Variants in ARHGAP39 observed in about 807,000 individuals in gnomAD.
ARHGAP39 encodes rho GTPase-activating protein 39.
ARHGAP39 carries 44 observed loss-of-function variants against 106.9 expected under a neutral mutation model. That is an observed-to-expected ratio of 0.41 (90% confidence interval 0.32 to 0.53). ARHGAP39 has a LOEUF of 0.53. Ranked by LOEUF, ARHGAP39 falls within the 20% of genes least tolerant of loss-of-function variation. The pLI is 0.21. For synonymous variants in ARHGAP39, 768 were observed against 693.2 expected (o/e 1.11, Z -1.69); for missense variants, 1,496 against 1,577.3 (o/e 0.95, Z 0.87).
At chr8:144,531,251 G>A (rs201008632) in intron 10 of ARHGAP39, among the ~76,000 whole-genome samples, 11 of 78,116 alleles carry the variant, frequency 1.4e-4, no homozygotes, top group African/African-American at 2.0e-4. Flanking sequence ...ACAGGGCAGC[G>A]AGCAGCAGGT....
intron 3 of ARHGAP39, among the ~76,000 whole-genome samples, chr8:144,570,767 C>G (rs1405671293): frequency 1.3e-5 from 2 of 152,060 alleles, no homozygotes; most frequent in African/African-American, 4.8e-5. Context: ...AGAGAATAAT[C>G]AAATATACGC....
intron 2 of ARHGAP39, among the ~76,000 whole-genome samples, chr8:144,598,914 A>T (rs1263246313): frequency 6.6e-6 from 1 of 152,240 alleles, no homozygotes; most frequent in Non-Finnish European, 1.5e-5. Context: ...TGAGCATGAA[A>T]AGATAAAAAA....
At chr8:144,665,607 A>G (rs1821943834) in intron 1 of ARHGAP39, among the ~76,000 whole-genome samples, 1 of 152,236 alleles carries the variant, frequency 6.6e-6, no homozygotes, top group South Asian at 2.1e-4. Context: ...CGTGGCTGAA[A>G]GAGACCAACA....
intron 1 of ARHGAP39, among the ~76,000 whole-genome samples, chr8:144,656,849 A>G (rs1428464777): frequency 7.4e-5 from 11 of 149,582 alleles, no homozygotes; most frequent in African/African-American, 2.2e-4. Flanking sequence ...CTAAGCGTAT[A>G]TAAGACTGGA....
chr8:144,639,483 C>T (rs1173953398), intron 1 of ARHGAP39, among the ~76,000 whole-genome samples: 1 of 152,008 alleles, frequency 6.6e-6, no homozygotes, highest in Non-Finnish European at 1.5e-5. Flanking sequence ...AGGCACACCG[C>T]ACAGATGTCT....
At chr8:144,594,902 G>A (rs1819550143) in intron 2 of ARHGAP39, among the ~76,000 whole-genome samples, 1 of 152,002 alleles carries the variant, frequency 6.6e-6, no homozygotes, top group African/African-American at 2.4e-5. Flanking sequence ...AAGTTAAACA[G>A]GCTGGGTGTG....
chr8:144,547,789 G>C lies in ARHGAP39; in HGVS notation c.1297C>G (p.Pro433Ala). 6.3e-7 allele frequency: 1 copy of C among 1,596,694 alleles called. No homozygotes were observed. The highest frequency in any genetic ancestry group is 8.5e-7 in the Non-Finnish European group (1 of 1,176,020). ...GGGSYSLQPS[P>A]CLLRDQRLGV... Reference sequence around the variant, plus strand: ...AGGCGCTGGTCCCTCAGCAGGCAGGGGCTGGGCTGCAAGGAGTACGAACCA... The same window carrying C: ...AGGCGCTGGTCCCTCAGCAGGCAGGCGCTGGGCTGCAAGGAGTACGAACCA... The change falls in exon 5 of 12, where the codon CCC becomes GCC. Residue 433 changes from proline (P) to alanine (A), a missense_variant. Physicochemically the swap from Pro to Ala is conservative, Grantham distance 27 (BLOSUM62 -1). Coordinates refer to ENST00000377307, the MANE Select transcript of ARHGAP39 (RefSeq NM_025251.3). The surrounding 1 kb of genome is among the most constrained non-coding windows in gnomAD (Gnocchi z 5.2).
intron 1 of ARHGAP39, among the ~76,000 whole-genome samples, chr8:144,662,651 A>C (rs141343025): frequency 9.3e-4 from 122 of 131,880 alleles, no homozygotes; most frequent in African/African-American, 3.5e-3. Flanking sequence ...TCCACCTTGG[A>C]TCACTCCTCC....
rs1177363111 is a variant in ARHGAP39, at chr8:144,547,654, G to T, written c.1432C>A (p.Gln478Lys). The T allele has an allele frequency of 3.1e-5, 48 of 1,547,604 alleles. No homozygotes were observed. Among genetic ancestry groups the T allele is most frequent in the Non-Finnish European group, 4.2e-5 (48 of 1,149,452 alleles). The change falls in exon 5 of 12, where the codon CAG (glutamine) becomes AAG (lysine). Residue 478 changes from glutamine (Q) to lysine (K), a missense_variant. Coordinates refer to ENST00000377307, the MANE Select transcript of ARHGAP39 (RefSeq NM_025251.3). The surrounding 1 kb of genome is among the most constrained non-coding windows in gnomAD (Gnocchi z 5.2). ...CCTGTGGAGGACAGGGTGTCCTGCT[G>T]GCTGGACCAGGACATGGCATCCTCC... ...AQEDAMSWSS[Q>K]QDTLSSTGYS...
intron 3 of ARHGAP39, among the ~76,000 whole-genome samples, chr8:144,568,749 G>C (rs1437679999): frequency 6.6e-6 from 1 of 151,982 alleles, no homozygotes; most frequent in Non-Finnish European, 1.5e-5. Flanking sequence ...GTCAACTATG[G>C]TAAGTTAATA....
chr8:144,547,066 G>A lies in ARHGAP39; in HGVS notation c.1959+61C>T. ...AGGTCTCCTGTGCCTGGCCCACGGG[G>A]TCCACTCTGACTGGGCTGGCCCCAG... is the stretch of plus-strand genomic sequence containing the variant. On this transcript the variant is annotated intron_variant, in intron 5 of 11. Transcript: ENST00000377307. This position sits in a 1 kb window ranked among gnomAD's most constrained non-coding sequence, Gnocchi z 5.2. 6.7e-7 allele frequency: 1 copy of A among 1,483,494 alleles called. No individual in the cohort carries two copies. The highest frequency in any genetic ancestry group is 9.0e-7 in the Non-Finnish European group (1 of 1,116,504). 91.9% of individuals were successfully genotyped at this position (1,483,494 alleles called of 1,614,324 possible). A position where few individuals can be genotyped will look rare whatever the true frequency, so the allele number is the denominator to read the frequency against.
intron 1 of ARHGAP39, among the ~76,000 whole-genome samples, chr8:144,623,402 G>C (rs1366235974): frequency 1.3e-5 from 2 of 152,210 alleles, no homozygotes; most frequent in Non-Finnish European, 1.5e-5. Flanking sequence ...AGATTTTAAA[G>C]ATCTTGGTAA....
chr8:144,649,245 A>G (rs1418637762), intron 1 of ARHGAP39, among the ~76,000 whole-genome samples: 4 of 151,872 alleles, frequency 2.6e-5, no homozygotes, highest in African/African-American at 9.7e-5. Context: ...GATCAAGACC[A>G]TCCTGGCTAA....
At chr8:144,540,138 C>T (rs1817130011) in intron 6 of ARHGAP39, among the ~76,000 whole-genome samples, 2 of 152,190 alleles carry the variant, frequency 1.3e-5, no homozygotes, top group African/African-American at 4.8e-5. Flanking sequence ...TTTTAAAATG[C>T]TACTGCAGGC....
chr8:144,697,717 C>A, the ARHGAP39 span, among the ~76,000 whole-genome samples: 10 of 152,100 alleles, frequency 6.6e-5, no homozygotes, highest in Non-Finnish European at 2.9e-5. Context: ...GTCTCGAACT[C>A]CTGACCTCAG....
intron 3 of ARHGAP39, among the ~76,000 whole-genome samples, chr8:144,570,391 A>G (rs1399026488): frequency 6.6e-6 from 1 of 152,240 alleles, no homozygotes; most frequent in African/African-American, 2.4e-5. Context: ...CCAAACAGCT[A>G]TACATCATTT....
chr8:144,550,794 C>T (rs999105947), intron 4 of ARHGAP39, among the ~76,000 whole-genome samples: 2 of 152,224 alleles, frequency 1.3e-5, no homozygotes, highest in Non-Finnish European at 2.9e-5. Context: ...TGGCAGGGGC[C>T]ATCAAACCCT....
Position 144,553,886 on chromosome 8 carries a change from C to T in ARHGAP39, c.596+1674G>A, listed in dbSNP as rs1186137958. 3.3e-5 allele frequency among the ~76,000 whole-genome samples: 5 copies of T among 152,244 alleles called. No homozygotes were observed. In the East Asian group the frequency reaches 7.7e-4, roughly 23 times the overall value. On this transcript the variant is annotated intron_variant, in intron 4 of 11. Transcript: ENST00000377307. ...ATGCAGTGGCAAGGCCTCTTCTCCC[C>T]GCCAGGTCCAGAGGGAGCCCAATGC...
chr8:144,678,965 G>C (rs1456294680), intron 1 of ARHGAP39, among the ~76,000 whole-genome samples: 1 of 152,046 alleles, frequency 6.6e-6, no homozygotes, highest in African/African-American at 2.4e-5. Context: ...TCTGATCACT[G>C]TTCAGGGGGA....
Sources: allele counts gnomAD v4.1 joint callset (sites outside exome capture counted in the v4.1 genomes callset), GRCh38; gene constraint gnomAD v4.1.1; non-coding constraint Gnocchi (gnomAD v3.1); transcripts MANE v1.5; gene names NCBI Gene and HGNC (gene_info 2026-07-23, HGNC 2026-07-21).